COL15A1: variants seen among roughly 807,000 people sequenced by gnomAD.
COL15A1 encodes collagen alpha-1(XV) chain.
Under a neutral mutation model 165.9 loss-of-function variants are expected in COL15A1, and 111 were observed. The ratio of observed to expected loss-of-function variants is 0.67; its 90% CI spans 0.57 to 0.78. The LOEUF (loss-of-function observed/expected upper bound fraction) is 0.78, where lower values mean the gene tolerates loss of function less well. Among genes scored for constraint, COL15A1 ranks in the 30% least tolerant of loss-of-function variants. The pLI, the probability that COL15A1 is intolerant of heterozygous loss-of-function variation, is 0.00. For synonymous variants in COL15A1, 659 were observed against 674.8 expected, an observed-to-expected ratio of 0.98 and a Z score of 0.36; for missense variants, 1,745 against 1,789.7, an observed-to-expected ratio of 0.98 and a Z score of 0.45.
rs763285450 is a variant in COL15A1 at position 99,015,469 on chromosome 9, C to T, written c.1406C>T (p.Ser469Phe). ...LTTAAAATEV[S>F]LSTFEDEEAS... ...ACAGCTGCAGCTGCAACCGAAGTGT[C>T]CCTCAGTACTTTTGAGGATGAGGAA... The change falls in exon 10 of 42, where the codon TCC (serine) becomes TTC (phenylalanine). Residue 469 changes from serine to phenylalanine, a missense_variant. Transcript: ENST00000375001. The T allele has an allele frequency of 2.5e-6, 4 of 1,604,188 alleles. No individual in the cohort carries two copies. Among genetic ancestry groups the T allele is most frequent in the Non-Finnish European group, 3.4e-6 (4 of 1,171,440 alleles).
In COL15A1 at chr9:99,070,508, A is replaced by G. The variant is rs1825968280; in HGVS notation, c.*622A>G. 1 of 314,986 alleles carries G rather than the reference A, an allele frequency of 3.2e-6. No homozygotes were observed. Among genetic ancestry groups the G allele is most frequent in the South Asian group, 2.4e-5 (1 of 41,414 alleles). The allele number at this position is 314,986 out of a possible 1,614,324, so 19.5% of individuals were successfully genotyped here. ...TCATATTTTAGTATGGTGTCTGTTT[A>G]TGTAACTCTGACTTGCTGGAAAAGT... On this transcript the variant is annotated 3_prime_UTR_variant, in exon 42 of 42. Transcript: ENST00000375001.
intron 15 of COL15A1, 75 bp from the exon 16 acceptor site, chr9:99,025,829 C>G: frequency 6.6e-7 from 1 of 1,513,306 alleles, no homozygotes; most frequent in Non-Finnish European, 9.0e-7. Context: ...CAACCCTGCC[C>G]TCCTTTTCTA....
rs966344287 is a variant in COL15A1 at position 98,944,009 on chromosome 9, C to A, written c.-53C>A. 4 of 1,612,082 alleles carry A rather than the reference C, an allele frequency of 2.5e-6. No individual in the cohort carries two copies. In the Admixed American group the frequency reaches 6.7e-5, roughly 27 times the overall value. On this transcript the variant is annotated 5_prime_UTR_variant, in exon 1 of 42. Transcript: ENST00000375001. ...CGACCCTTCGTCCTCCGCTAAGCTC[C>A]AACGCTCTGCTCGACTAGCCGCGCG...
Position 98,943,970 on chromosome 9 carries a change from C to A in COL15A1, c.-92C>A. ...TTCCCTGCAGGAAGGGCGAGCGCGG[C>A]GGCCAGCGCTCAGCGACCCTTCGTC... is the stretch of plus-strand genomic sequence containing the variant. On this transcript the variant is annotated 5_prime_UTR_variant, in exon 1 of 42. Transcript: ENST00000375001. The A allele has an allele frequency of 6.5e-7, 1 of 1,541,998 alleles. No individual in the cohort carries two copies. The highest frequency in any genetic ancestry group is 2.3e-5 in the East Asian group (1 of 43,456).
intron 31 of COL15A1, 67 bp downstream of exon 31, chr9:99,052,500 G>A (rs1268603949): frequency 1.5e-6 from 2 of 1,317,032 alleles, no homozygotes; most frequent in African/African-American, 2.9e-5. Context: ...GTTTTCCTTT[G>A]CCCAGTGCAG....
chr9:99,032,083 A>G lies in COL15A1; in HGVS notation c.2044-2466A>G, dbSNP rs963138555. ...TCTGGTTCTCACTCTATTGGAGGTC[A>G]TCTGATTTTTCTCTTTGGCAAATTT... On this transcript the variant is annotated intron_variant, in intron 16 of 41. Coordinates refer to ENST00000375001, the MANE Select transcript of COL15A1 (RefSeq NM_001855.5). 2.0e-4 allele frequency among the ~76,000 whole-genome samples: 31 copies of G among 152,248 alleles called. No individual in the cohort carries two copies. The East Asian group carries it at 5.0e-3, about 25-fold the overall frequency.
chr9:99,049,718 G>A lies in COL15A1; in HGVS notation c.2822G>A (p.Gly941Asp), dbSNP rs145953049. 3 of 1,613,884 alleles carry A rather than the reference G, an allele frequency of 1.9e-6. No homozygotes were observed. The highest frequency in any genetic ancestry group is 2.5e-6 in the Non-Finnish European group (3 of 1,180,014). The change falls in exon 29 of 42, where the codon GGC becomes GAC. Residue 941 changes from glycine (G) to aspartate (D), a missense_variant. Transcript: ENST00000375001. ...QGPPGLPGPPGPPGPPGAVIN... is the reference protein window; with the variant it reads ...QGPPGLPGPPDPPGPPGAVIN... ...CCACCTGGCTTACCTGGCCCTCCAG[G>A]CCCCCCTGGGCCACCTGGAGCTGTG...
chr9:99,012,257 G>A (rs922093331), intron 9 of COL15A1, among the ~76,000 whole-genome samples: 2 of 152,154 alleles, frequency 1.3e-5, no homozygotes, highest in Admixed American at 6.5e-5. Context: ...TTAAGCCATT[G>A]TCATACCTTG....
rs548201608 is a variant in COL15A1, at chr9:99,007,321, G to A, written c.1353+2271G>A. ...TAGATACCTTTTAAAGGAATAGCAT[G>A]GGAGGCCGTTTTGCCCTAAGCAATT... On this transcript the variant is annotated intron_variant, in intron 9 of 41. Transcript: ENST00000375001. 3.3e-5 allele frequency among the ~76,000 whole-genome samples: 5 copies of A among 152,320 alleles called. No individual in the cohort carries two copies. In the South Asian group the frequency reaches 8.3e-4, roughly 25 times the overall value.
In COL15A1 at chr9:99,047,984, C is replaced by G; in HGVS notation, c.2777C>G (p.Pro926Arg). Reference protein sequence around the residue: ...LNGLKGTKGDPGVIMQGPPGL... With the variant: ...LNGLKGTKGDRGVIMQGPPGL... ...GGCCTCAAGGGTACCAAAGGAGATC[C>G]AGGGGTCATTATGCAGGTGAGTCAC... The change falls in exon 28 of 42, where the codon CCA (proline) becomes CGA (arginine). Residue 926 changes from proline to arginine, a missense_variant. Physicochemically the swap from Pro to Arg is moderately radical, Grantham distance 103. Coordinates refer to ENST00000375001, the MANE Select transcript of COL15A1 (RefSeq NM_001855.5). 1.9e-6 allele frequency: 3 copies of G among 1,587,244 alleles called. No individual in the cohort carries two copies. Among genetic ancestry groups the G allele is most frequent in the Admixed American group, 3.6e-5 (2 of 56,050 alleles).
chr9:99,045,108 G>A (rs1315754574), intron 26 of COL15A1, among the ~76,000 whole-genome samples: 1 of 152,172 alleles, frequency 6.6e-6, no homozygotes, highest in Non-Finnish European at 1.5e-5. Flanking sequence ...GCAGGCTGAA[G>A]TTGGGGAGGG....
At position 99,066,913 on chromosome 9, in the gene COL15A1, C is replaced by G. The variant is rs1382610186; in HGVS notation, c.3683C>G (p.Ser1228Cys). 2 of 1,613,972 alleles carry G rather than the reference C, an allele frequency of 1.2e-6. No individual in the cohort carries two copies. Among genetic ancestry groups the G allele is most frequent in the Non-Finnish European group, 1.7e-6 (2 of 1,179,972 alleles). ...TTGGCTGCTCTGAACATGCCATTTTCTGGGGACATTCGAGCTGATTTTCAG... is the reference window on the plus strand; with the variant it reads ...TTGGCTGCTCTGAACATGCCATTTTGTGGGGACATTCGAGCTGATTTTCAG... ...LHLAALNMPF[S>C]GDIRADFQCF... The change falls in exon 40 of 42, where the codon TCT (serine) becomes TGT (cysteine). Residue 1228 changes from serine to cysteine, a missense_variant. Ser to Cys is a moderately radical substitution (Grantham distance 112, BLOSUM62 -1). Coordinates refer to ENST00000375001, the MANE Select transcript of COL15A1 (RefSeq NM_001855.5).
Position 98,987,190 on chromosome 9 carries a change from C to T in COL15A1, c.649-104C>T, listed in dbSNP as rs55925225. 6,003 of 1,109,544 alleles carry T rather than the reference C, an allele frequency of 5.4e-3. 238 individuals carry two copies. In the African/African-American group the frequency reaches 0.084, roughly 15 times the overall value. The allele number at this position is 1,109,544 out of a possible 1,614,324, so 68.7% of individuals were successfully genotyped here. ...TGCAGGCTGTACATCCTCATTCCCA[C>T]GCTTTTACCTGTTCGTCTCCATTGC... On this transcript the variant is annotated intron_variant, in intron 3 of 41. Transcript: ENST00000375001.
At chr9:99,018,287 G>A (rs907022379) in intron 11 of COL15A1, among the ~76,000 whole-genome samples, 1 of 152,030 alleles carries the variant, frequency 6.6e-6, no homozygotes, top group Non-Finnish European at 1.5e-5. Context: ...ATTGTCTCCC[G>A]CCTTCTTTTT....
chr9:98,943,917 C>A lies in COL15A1; in HGVS notation c.-145C>A. 9.1e-7 allele frequency: 1 copy of A among 1,102,252 alleles called. No individual in the cohort carries two copies. Among genetic ancestry groups the A allele is most frequent in the Non-Finnish European group, 1.2e-6 (1 of 825,766 alleles). 68.3% of individuals were successfully genotyped at this position (1,102,252 alleles called of 1,614,324 possible). A position where few individuals can be genotyped will look rare whatever the true frequency, so the allele number is the denominator to read the frequency against. On this transcript the variant is annotated 5_prime_UTR_variant, in exon 1 of 42. Coordinates refer to ENST00000375001, the MANE Select transcript of COL15A1 (RefSeq NM_001855.5). ...GGGCCGGGAGCCGGGATTCTGCCCG[C>A]CGCCGCCGCTGCCGAGCGCCGCCTT...
chr9:98,980,898 G>A (rs781590636), intron 2 of COL15A1, among the ~76,000 whole-genome samples: 2 of 152,134 alleles, frequency 1.3e-5, no homozygotes, highest in African/African-American at 2.4e-5. Context: ...ATATGCTGCT[G>A]GTGGGTCTGC....
intron 6 of COL15A1, among the ~76,000 whole-genome samples, chr9:99,000,330 A>G (rs977636432): frequency 1.3e-5 from 2 of 152,048 alleles, no homozygotes; most frequent in African/African-American, 4.8e-5. Context: ...ATATACATAT[A>G]CATATACATA....
intron 2 of COL15A1, among the ~76,000 whole-genome samples, chr9:98,965,316 A>G (rs1210761908): frequency 6.6e-6 from 1 of 152,194 alleles, no homozygotes; most frequent in Non-Finnish European, 1.5e-5. Flanking sequence ...CTCCTAAAGG[A>G]AAAAGAATTG....
chr9:99,035,539 C>T lies in COL15A1; in HGVS notation c.2289+121C>T, dbSNP rs1338406084. ...TAACTCACCTTCTCTGTGCCTCCAGCCCCCAACTGTGCAATAGGGAAATGA... is the reference window on the plus strand; with the variant it reads ...TAACTCACCTTCTCTGTGCCTCCAGTCCCCAACTGTGCAATAGGGAAATGA... On this transcript the variant is annotated intron_variant, in intron 19 of 41. Transcript: ENST00000375001. 1.4e-5 allele frequency: 17 copies of T among 1,207,396 alleles called. No homozygotes were observed. In the Admixed American group the frequency reaches 2.8e-4, roughly 20 times the overall value. 74.8% of individuals were successfully genotyped at this position (1,207,396 alleles called of 1,614,324 possible). A position where few individuals can be genotyped will look rare whatever the true frequency, so the allele number is the denominator to read the frequency against.
Sources: gnomAD v4.1 joint callset for allele counts (sites outside exome capture counted in the v4.1 genomes callset) on GRCh38, gnomAD v4.1.1 for gene constraint, MANE v1.5 for transcripts, NCBI Gene and HGNC (gene_info 2026-07-23, HGNC 2026-07-21) for gene names.